UNC79: variants seen among roughly 807,000 people sequenced by gnomAD.
The protein encoded by UNC79 is protein unc-79 homolog.
A neutral mutation model predicts 283.1 loss-of-function variants in UNC79; 37 were observed. The observed-to-expected ratio is 0.13, with a 90% CI of 0.10 to 0.17. UNC79 has a LOEUF of 0.17. Among genes scored for constraint, UNC79 ranks in the 10% least tolerant of loss-of-function variants. UNC79 has a pLI of 1.00. For synonymous variants in UNC79, 1,107 were observed against 1,200.2 expected (o/e 0.92, Z 1.61); for missense variants, 2,272 against 3,211.1 (o/e 0.71, Z 7.07).
At chr14:93,603,821 G>C (rs1210738159) in intron 26 of UNC79, among the ~76,000 whole-genome samples, 1 of 152,030 alleles carries the variant, frequency 6.6e-6, no homozygotes, top group East Asian at 1.9e-4. Context: ...TTGAAATTTG[G>C]AATGTATTTT....
chr14:93,667,863 G>A (rs1346105622), intron 40 of UNC79, among the ~76,000 whole-genome samples: 2 of 152,134 alleles, frequency 1.3e-5, no homozygotes, highest in African/African-American at 2.4e-5. Flanking sequence ...TTAAATATTA[G>A]AACATCTATT....
intron 24 of UNC79, among the ~76,000 whole-genome samples, chr14:93,599,509 T>C (rs2065340891): frequency 6.6e-6 from 1 of 152,196 alleles, no homozygotes; most frequent in South Asian, 2.1e-4. Flanking sequence ...GCACATTCTT[T>C]TTTTTGTAAA....
intron 43 of UNC79, among the ~76,000 whole-genome samples, chr14:93,687,003 T>C (rs2074291372): frequency 6.6e-6 from 1 of 152,224 alleles, no homozygotes; most frequent in Non-Finnish European, 1.5e-5. Flanking sequence ...TACTAAGTGG[T>C]AAAGTCAAGG....
intron 1 of UNC79, among the ~76,000 whole-genome samples, chr14:93,401,043 T>C (rs118180632): frequency 1.3e-5 from 2 of 152,146 alleles, no homozygotes; most frequent in Non-Finnish European, 2.9e-5. Flanking sequence ...AGGAAAATAG[T>C]GCATGGTTTA....
rs182571863 is a variant in UNC79 at position 93,533,948 on chromosome 14, G to C, written c.1122+1370G>C. Among the ~76,000 whole-genome samples the C allele has an allele frequency of 3.9e-5, 6 of 152,290 alleles. No homozygotes were observed. In the East Asian group the frequency reaches 9.6e-4, roughly 24 times the overall value. On this transcript the variant is annotated intron_variant, in intron 11 of 48. Transcript: ENST00000555664. Reference sequence around the variant, plus strand: ...AAGTCTAGTATCTTGTGATCTGCATGTGATATGTCACTGATTAAACTTCTT... The same window carrying C: ...AAGTCTAGTATCTTGTGATCTGCATCTGATATGTCACTGATTAAACTTCTT...
chr14:93,417,534 C>T (rs1290689047), intron 1 of UNC79, among the ~76,000 whole-genome samples: 3 of 152,064 alleles, frequency 2.0e-5, no homozygotes, highest in East Asian at 1.9e-4. Flanking sequence ...GTCTTTGTGG[C>T]GTTCTCTGTA....
chr14:93,348,047 T>G, intron 1 of UNC79: 1 of 1,611,200 alleles, frequency 6.2e-7, no homozygotes, highest in Non-Finnish European at 8.5e-7. Flanking sequence ...GTTGGACTTG[T>G]GGTGTTTTTT....
At chr14:93,457,207 C>T (rs1237857121) in intron 1 of UNC79, among the ~76,000 whole-genome samples, 2 of 152,206 alleles carry the variant, frequency 1.3e-5, no homozygotes, top group Non-Finnish European at 2.9e-5. Context: ...CATTTAGGAC[C>T]AGACACTTAT....
intron 7 of UNC79, among the ~76,000 whole-genome samples, chr14:93,519,064 G>C (rs989576456): frequency 2.6e-5 from 4 of 151,810 alleles, no homozygotes; most frequent in African/African-American, 9.7e-5. Context: ...GTGTTTTCAA[G>C]TCTTATATAT....
intron 4 of UNC79, among the ~76,000 whole-genome samples, chr14:93,484,100 C>T (rs1274617377): frequency 6.6e-6 from 1 of 152,182 alleles, no homozygotes; most frequent in African/African-American, 2.4e-5. Context: ...TGAGGAACCA[C>T]CACACTGTCT....
intron 1 of UNC79, among the ~76,000 whole-genome samples, chr14:93,423,679 A>G (rs1475082168): frequency 6.6e-6 from 1 of 152,238 alleles, no homozygotes; most frequent in East Asian, 1.9e-4. Flanking sequence ...GAATGAAACT[A>G]GACTCCTATT....
chr14:93,510,789 C>T (rs1242268145), intron 7 of UNC79, among the ~76,000 whole-genome samples: 1 of 152,170 alleles, frequency 6.6e-6, no homozygotes, highest in African/African-American at 2.4e-5. Context: ...TGTCATTTTC[C>T]TGTCTTCTTC....
chr14:93,519,330 T>C (rs1008816729), intron 7 of UNC79, among the ~76,000 whole-genome samples: 1 of 151,868 alleles, frequency 6.6e-6, no homozygotes, highest in Admixed American at 6.6e-5. Context: ...TCAATTATGG[T>C]ATAACAATTA....
intron 1 of UNC79, among the ~76,000 whole-genome samples, chr14:93,353,570 A>G (rs1252226874): frequency 6.6e-6 from 1 of 152,166 alleles, no homozygotes; most frequent in African/African-American, 2.4e-5. Context: ...GTTTACTCCC[A>G]TATCAATCAC....
At chr14:93,626,188 T>A (rs949372160) in intron 30 of UNC79, among the ~76,000 whole-genome samples, 5 of 152,198 alleles carry the variant, frequency 3.3e-5, no homozygotes, top group Non-Finnish European at 5.9e-5. Context: ...AAATGACTAT[T>A]TCATAGCTAC....
chr14:93,664,018 C>A (rs1270475239), intron 40 of UNC79, among the ~76,000 whole-genome samples: 1 of 152,162 alleles, frequency 6.6e-6, no homozygotes, highest in East Asian at 1.9e-4. Flanking sequence ...GATATCTCCT[C>A]ATAATCCCTC....
chr14:93,500,816 T>A (rs2140678493), intron 7 of UNC79, among the ~76,000 whole-genome samples: 1 of 152,346 alleles, frequency 6.6e-6, no homozygotes, highest in South Asian at 2.1e-4. Flanking sequence ...GTTCTTTAAT[T>A]AAACATTAGG....
chr14:93,573,507 A>G (rs1488594977), intron 16 of UNC79, among the ~76,000 whole-genome samples: 5 of 152,216 alleles, frequency 3.3e-5, no homozygotes, highest in Non-Finnish European at 7.3e-5. Context: ...AAGTTTATTA[A>G]ATTAACTTGA....
At chr14:93,561,804 A>G (rs1156714807) in intron 14 of UNC79, among the ~76,000 whole-genome samples, 1 of 152,186 alleles carries the variant, frequency 6.6e-6, no homozygotes. Context: ...ATCAGCTGCG[A>G]TGGCTTGGAG....
Sources: allele counts gnomAD v4.1 joint callset (sites outside exome capture counted in the v4.1 genomes callset), GRCh38; gene constraint gnomAD v4.1.1; transcripts MANE v1.5; gene names NCBI Gene and HGNC (gene_info 2026-07-23, HGNC 2026-07-21).